The following DDX25 variants were observed in gnomAD, a reference collection of about 807,000 sequenced individuals.
The protein encoded by DDX25 is DEAD-box helicase 25, also known as ATP-dependent RNA helicase DDX25.
Under a neutral mutation model 64.6 loss-of-function variants are expected in DDX25, and 70 were observed. That is an observed-to-expected ratio of 1.08 (90% confidence interval 0.89 to 1.32). DDX25 has a LOEUF of 1.32. DDX25 is among the 40% of genes most tolerant of loss of function. DDX25 has a pLI of 0.00. For missense variants in DDX25, 587 were observed against 604.4 expected (o/e 0.97, Z 0.30); for synonymous variants, 211 against 213.3 (o/e 0.99, Z 0.09).
chr11:125,920,977 G>C (rs576138055), intron 10 of DDX25: 404 of 548,452 alleles, frequency 7.4e-4, no homozygotes, highest in Admixed American at 2.0e-3. Flanking sequence ...TTACATTTCT[G>C]TAGCATTCTC....
At chr11:125,911,947 G>T (rs1423919039) in intron 8 of DDX25, among the ~76,000 whole-genome samples, 5 of 152,288 alleles carry the variant, frequency 3.3e-5, no homozygotes, top group South Asian at 2.1e-4. Context: ...CTCTCTATCA[G>T]GATCACCTGA....
chr11:125,921,128 A>G lies in DDX25; in HGVS notation c.1202-63A>G. 2 of 1,454,092 alleles carry G rather than the reference A, an allele frequency of 1.4e-6. No homozygotes were observed. The highest frequency in any genetic ancestry group is 2.8e-5 in the South Asian group (2 of 71,440). The allele number at this position is 1,454,092 out of a possible 1,614,324, so 90.1% of individuals were successfully genotyped here. On this transcript the variant is annotated intron_variant, in intron 10 of 11. Transcript: ENST00000263576. The surrounding 1 kb of genome is among the most constrained non-coding windows in gnomAD (Gnocchi z 4.1). ...TAGGAATTCCCTTGGCAGACGTGGT[A>G]CTTGAATGGCCCGTGTACTGAGGAA...
At position 125,918,623 on chromosome 11, in the gene DDX25, C is replaced by T; in HGVS notation, c.1039-5C>T. The T allele has an allele frequency of 6.3e-7, 1 of 1,575,920 alleles. No homozygotes were observed. ...TGCTGTGTTGGGTTTTGCCTTTTTA[C>T]ATAGACTCGTCGAAACGCTAAGTGG... On this transcript the variant is annotated splice_region_variant and splice_polypyrimidine_tract_variant and intron_variant, in intron 9 of 11. Transcript: ENST00000263576.
At position 125,917,201 on chromosome 11, in the gene DDX25, T is replaced by C; in HGVS notation, c.988T>C (p.Cys330Arg). The C allele has an allele frequency of 6.2e-7, 1 of 1,610,760 alleles. No individual in the cohort carries two copies. ...CAGGAAAGACAAATACCAAGCTCTGTGCAACATTTATGGCAGCATCACCAT... is the reference window on the plus strand; with the variant it reads ...CAGGAAAGACAAATACCAAGCTCTGCGCAACATTTATGGCAGCATCACCAT... ...EHRKDKYQALCNIYGSITIGQ... is the reference protein window; with the variant it reads ...EHRKDKYQALRNIYGSITIGQ... Residue 330 changes from cysteine (C) to arginine (R), a missense_variant, in exon 9 of 12, where the codon TGC becomes CGC. Transcript: ENST00000263576.
rs1374888912 is a variant in DDX25, at chr11:125,925,550, G to T, written c.*2669G>T. 2 of 436,856 alleles carry T rather than the reference G, an allele frequency of 4.6e-6. No homozygotes were observed. Among genetic ancestry groups the T allele is most frequent in the Middle Eastern group, 3.3e-4 (1 of 3,002 alleles). 27.1% of individuals were successfully genotyped at this position (436,856 alleles called of 1,614,324 possible). ...TCAGTGCCTGCCTGAGGACAGAGTA[G>T]ATAGAGAGGCAAGGAAACACCAGGT... On this transcript the variant is annotated 3_prime_UTR_variant, in exon 12 of 12. Transcript: ENST00000263576.
At chr11:125,914,832 G>A (rs1246945943) in intron 8 of DDX25, among the ~76,000 whole-genome samples, 2 of 152,180 alleles carry the variant, frequency 1.3e-5, no homozygotes, top group Non-Finnish European at 2.9e-5. Context: ...TGCCTCCTGG[G>A]TTCAAGCAGT....
rs1169793334 is a variant in DDX25 at position 125,908,207 on chromosome 11, T to A, written c.323T>A (p.Leu108Ter). Residue 108 changes from leucine to a stop codon, truncating the protein, a stop_gained, in exon 5 of 12, where the codon TTA becomes TAA. Coordinates refer to ENST00000263576, the MANE Select transcript of DDX25 (RefSeq NM_013264.5). LOFTEE classifies it high-confidence loss of function. Reference sequence around the variant, plus strand: ...TTTTTTTTTGACAGAAAGGAAGAGTTACTAAAAGGAATCTATGCAATGGGA... The same window carrying A: ...TTTTTTTTTGACAGAAAGGAAGAGTAACTAAAAGGAATCTATGCAATGGGA... ...TFEELRLKEE[L>*]LKGIYAMGFN... 6.2e-7 allele frequency: 1 copy of A among 1,604,770 alleles called. No individual in the cohort carries two copies. The highest frequency in any genetic ancestry group is 1.7e-5 in the Admixed American group (1 of 58,372).
intron 10 of DDX25, 38 bp downstream of exon 10, chr11:125,918,828 A>G (rs372680880): frequency 7.3e-5 from 112 of 1,527,752 alleles, no homozygotes; most frequent in Non-Finnish European, 9.4e-5. Flanking sequence ...TCTAATTTGC[A>G]TATGATAAAA....
chr11:125,906,354 C>G (rs1322924060), intron 4 of DDX25, 145 bp downstream of exon 4: 3 of 1,096,394 alleles, frequency 2.7e-6, no homozygotes, highest in African/African-American at 3.2e-5. Context: ...GAGTCTCACT[C>G]TGTCCCCCAG....
chr11:125,928,286 CCACA>C lies in DDX25; in HGVS notation c.*5408_*5411del, dbSNP rs1462643212. 6.6e-6 allele frequency: 1 copy of C among 151,772 alleles called. No individual in the cohort carries two copies. Among genetic ancestry groups the C allele is most frequent in the African/African-American group, 2.4e-5 (1 of 41,268 alleles). 9.4% of individuals were successfully genotyped at this position (151,772 alleles called of 1,614,324 possible). On this transcript the variant is annotated 3_prime_UTR_variant, in exon 12 of 12. Transcript: ENST00000263576. ...AACATTCAAGTTTTTTTTCATGTTA[CCACA>C]CAGTGTTTGGGATTATATTTTCAAA... is the stretch of plus-strand genomic sequence containing the variant.
At chr11:125,906,284 A>T in intron 4 of DDX25, 75 bp downstream of exon 4, 1 of 1,431,258 alleles carries the variant, frequency 7.0e-7, no homozygotes, top group Non-Finnish European at 9.2e-7. Flanking sequence ...TATAGTAAAA[A>T]CCATCAGGAT....
intron 8 of DDX25, among the ~76,000 whole-genome samples, chr11:125,913,684 T>C (rs562585907): frequency 6.6e-6 from 1 of 152,146 alleles, no homozygotes; most frequent in East Asian, 1.9e-4. Context: ...ATTCTGAAAC[T>C]TTTCAGTGAC....
rs777894799 is a variant in DDX25, at chr11:125,905,204, C to G, written c.64-8C>G. On this transcript the variant is annotated splice_region_variant and splice_polypyrimidine_tract_variant and intron_variant, in intron 1 of 11. Transcript: ENST00000263576. ...CTAATATTGGTTGAAATTTGTGTCT[C>G]TCAATAGTTTTCAAACCTCAGCCAA... 2 of 1,551,488 alleles carry G rather than the reference C, an allele frequency of 1.3e-6. No homozygotes were observed. The highest frequency in any genetic ancestry group is 2.7e-5 in the African/African-American group (2 of 73,168).
At chr11:125,905,037 G>A (rs1248788395) in intron 1 of DDX25, among the ~76,000 whole-genome samples, 175 bp from the exon 2 acceptor site, 1 of 152,086 alleles carries the variant, frequency 6.6e-6, no homozygotes, top group Non-Finnish European at 1.5e-5. Context: ...CCAATTTTAG[G>A]GTAACTCATA....
chr11:125,919,689 C>A (rs957747237), intron 10 of DDX25, among the ~76,000 whole-genome samples: 2 of 151,820 alleles, frequency 1.3e-5, no homozygotes, highest in Non-Finnish European at 2.9e-5. Flanking sequence ...ACCTGCCATG[C>A]TAGGAGTGGA....
chr11:125,926,846 C>T lies in DDX25; in HGVS notation c.*3965C>T, dbSNP rs1945172375. ...ACAGGCATCAGCCACGGCGCCCAGC[C>T]TCCCCTTCTCATTTCTGTCTGCTGA... On this transcript the variant is annotated 3_prime_UTR_variant, in exon 12 of 12. Transcript: ENST00000263576. 1 of 152,298 alleles carries T rather than the reference C, an allele frequency of 6.6e-6. No homozygotes were observed. The highest frequency in any genetic ancestry group is 1.5e-5 in the Non-Finnish European group (1 of 68,128). 9.4% of individuals were successfully genotyped at this position (152,298 alleles called of 1,614,324 possible). A position where few individuals can be genotyped will look rare whatever the true frequency, so the allele number is the denominator to read the frequency against.
rs1399272525 is a variant in DDX25, at chr11:125,923,231, T to A, written c.*350T>A. ...CTGTGTCACAAGAGGGCGGTAGAGCTTCGCTGATTTTGGAAGCGGAGCGAG... is the reference window on the plus strand; with the variant it reads ...CTGTGTCACAAGAGGGCGGTAGAGCATCGCTGATTTTGGAAGCGGAGCGAG... On this transcript the variant is annotated 3_prime_UTR_variant, in exon 12 of 12. Coordinates refer to ENST00000263576, the MANE Select transcript of DDX25 (RefSeq NM_013264.5). 1.1e-5 allele frequency: 2 copies of A among 184,732 alleles called. No individual in the cohort carries two copies. Among genetic ancestry groups the A allele is most frequent in the Non-Finnish European group, 2.2e-5 (2 of 89,616 alleles). 11.4% of individuals were successfully genotyped at this position (184,732 alleles called of 1,614,324 possible). A position where few individuals can be genotyped will look rare whatever the true frequency, so the allele number is the denominator to read the frequency against.
Position 125,928,003 on chromosome 11 carries a change from G to T in DDX25, c.*5122G>T, listed in dbSNP as rs570646965. 1 of 152,340 alleles carries T rather than the reference G, an allele frequency of 6.6e-6. No individual in the cohort carries two copies. Among genetic ancestry groups the T allele is most frequent in the East Asian group, 1.9e-4 (1 of 5,192 alleles). The allele number at this position is 152,340 out of a possible 1,614,324, so 9.4% of individuals were successfully genotyped here. ...GTTTTCCACAAATGAAAATGGGGTG[G>T]TTAACTTCTAATTGTACCCTGTCTT... On this transcript the variant is annotated 3_prime_UTR_variant, in exon 12 of 12. Coordinates refer to ENST00000263576, the MANE Select transcript of DDX25 (RefSeq NM_013264.5).
At chr11:125,922,709 C>A in intron 11 of DDX25, 111 bp from the exon 12 acceptor site, 1 of 981,742 alleles carries the variant, frequency 1.0e-6, no homozygotes, top group Non-Finnish European at 1.5e-6. Context: ...CCTTATGTTC[C>A]TATACCAAGG....
Sources: allele counts gnomAD v4.1 joint callset (sites outside exome capture counted in the v4.1 genomes callset), GRCh38; gene constraint gnomAD v4.1.1; non-coding constraint Gnocchi (gnomAD v3.1); transcripts MANE v1.5; gene names NCBI Gene and HGNC (gene_info 2026-07-23, HGNC 2026-07-21).